Variants in TCL1B observed in about 807,000 individuals in gnomAD.
TCL1B encodes the protein T-cell leukemia/lymphoma protein 1B.
A neutral mutation model predicts 16.9 loss-of-function variants in TCL1B; 14 were observed. The observed-to-expected ratio is 0.83, with a 90% CI of 0.55 to 1.30. TCL1B has a LOEUF of 1.30. Ranked by LOEUF, TCL1B falls within the 50% of genes most tolerant of loss-of-function variation. The pLI is 0.00. For synonymous variants in TCL1B, 79 were observed against 66.6 expected (o/e 1.19, Z -0.91); for missense variants, 166 against 165.2 (o/e 1.00, Z -0.03).
chr14:95,689,721 GAGA>G (rs1885841081), intron 1 of TCL1B, among the ~76,000 whole-genome samples: 2 of 152,216 alleles, frequency 1.3e-5, no homozygotes, highest in African/African-American at 2.4e-5. Flanking sequence ...AGAATACACA[GAGA>G]AGGAGAGATT....
intron 1 of TCL1B, among the ~76,000 whole-genome samples, chr14:95,686,923 C>A (rs1264463074): frequency 6.6e-6 from 1 of 152,114 alleles, no homozygotes; most frequent in Non-Finnish European, 1.5e-5. Context: ...TGGGAAGGCC[C>A]ACAAATGGGG....
At chr14:95,688,047 G>C (rs1469511358) in intron 1 of TCL1B, 1 of 151,972 alleles carries the variant, frequency 6.6e-6, no homozygotes, top group Non-Finnish European at 1.5e-5. Context: ...TGCGGCTGGA[G>C]TGCACTGGTG....
intron 1 of TCL1B, among the ~76,000 whole-genome samples, chr14:95,687,809 G>A (rs562537378): frequency 1.5e-4 from 23 of 152,024 alleles, no homozygotes; most frequent in African/African-American, 4.6e-4. Flanking sequence ...AAAATTAGCC[G>A]GGCGTGGTGG....
In TCL1B at chr14:95,692,451, AG is replaced by A. The variant is rs1392365456; in HGVS notation, c.*537del. On this transcript the variant is annotated 3_prime_UTR_variant, in exon 4 of 4. Transcript: ENST00000340722. ...TGACACTTTGGCCCGAAATAGATCCAGTGCTGAGCAAGCAATGTACACCAGA... is the reference window on the plus strand; with the variant it reads ...TGACACTTTGGCCCGAAATAGATCCATGCTGAGCAAGCAATGTACACCAGA... 2 of 152,390 alleles carry A rather than the reference AG, an allele frequency of 1.3e-5. No homozygotes were observed. The highest frequency in any genetic ancestry group is 1.5e-5 in the Non-Finnish European group (1 of 68,192). The allele number at this position is 152,390 out of a possible 1,614,324, so 9.4% of individuals were successfully genotyped here. A position where few individuals can be genotyped will look rare whatever the true frequency, so the allele number is the denominator to read the frequency against.
chr14:95,686,762 G>A, intron 1 of TCL1B, 133 bp downstream of exon 1: 1 of 1,118,078 alleles, frequency 8.9e-7, no homozygotes, highest in Non-Finnish European at 1.2e-6. Flanking sequence ...AGGTCTAGGA[G>A]CGCAGCAATG....
At chr14:95,689,289 ACAAAACAAAG>A (rs1303034601) in intron 1 of TCL1B, 1 of 151,914 alleles carries the variant, frequency 6.6e-6, no homozygotes, top group East Asian at 1.9e-4. Context: ...TCCGTCTCAA[ACAAAACAAAG>A]CAAAACAAAA....
intron 2 of TCL1B, 40 bp downstream of exon 2, chr14:95,690,946 C>T: frequency 6.3e-7 from 1 of 1,599,576 alleles, no homozygotes; most frequent in Non-Finnish European, 8.5e-7. Flanking sequence ...GACAGGTGGC[C>T]CCTGGTGACT....
Position 95,690,869 on chromosome 14 carries a change from C to T in TCL1B, c.296C>T (p.Ala99Val), listed in dbSNP as rs117333381. The change falls in exon 2 of 4, where the codon GCG becomes GTG. Residue 99 changes from alanine to valine, a missense_variant. Coordinates refer to ENST00000340722, the MANE Select transcript of TCL1B (RefSeq NM_004918.4). Reference protein sequence around the residue: ...QLYPGRKYRAADSSFWEIADH... With the variant: ...QLYPGRKYRAVDSSFWEIADH... ...TACCCCGGGAGGAAGTACCGAGCAG[C>T]GGATTCCAGTTTCTGGGAAATAGCA... 4.5e-3 allele frequency: 7,260 copies of T among 1,614,112 alleles called. 28 individuals carry two copies. The highest frequency in any genetic ancestry group is 5.1e-3 in the Non-Finnish European group (5,995 of 1,179,966).
intron 1 of TCL1B, among the ~76,000 whole-genome samples, chr14:95,688,785 G>A (rs577012687): frequency 6.6e-6 from 1 of 152,332 alleles, no homozygotes; most frequent in Non-Finnish European, 1.5e-5. Context: ...GCCAGTCACG[G>A]AAGGACAGAT....
Position 95,692,388 on chromosome 14 carries a change from G to A in TCL1B, c.*473G>A, listed in dbSNP as rs1178801275. 1 of 152,344 alleles carries A rather than the reference G, an allele frequency of 6.6e-6. No homozygotes were observed. The highest frequency in any genetic ancestry group is 1.5e-5 in the Non-Finnish European group (1 of 68,144). The allele number at this position is 152,344 out of a possible 1,614,324, so 9.4% of individuals were successfully genotyped here. A position where few individuals can be genotyped will look rare whatever the true frequency, so the allele number is the denominator to read the frequency against. ...GATGGCATTAGAGGGAGCCCAGTCT[G>A]GATGTGGACTTGGATGCCCTGTGGG... is the stretch of plus-strand genomic sequence containing the variant. On this transcript the variant is annotated 3_prime_UTR_variant, in exon 4 of 4. Transcript: ENST00000340722.
chr14:95,691,125 C>T (rs1367609906), intron 2 of TCL1B, 143 bp from the exon 3 acceptor site: 31 of 1,130,282 alleles, frequency 2.7e-5, no homozygotes, highest in Non-Finnish European at 3.7e-5. Context: ...GGGTTGCCTT[C>T]CCTGGGCTAG....
intron 1 of TCL1B, among the ~76,000 whole-genome samples, chr14:95,689,874 A>G (rs1205291795): frequency 6.6e-6 from 1 of 152,284 alleles, no homozygotes; most frequent in African/African-American, 2.4e-5. Flanking sequence ...ATTTTATCAC[A>G]AAAGAAGACA....
At chr14:95,686,740 T>G in intron 1 of TCL1B, 111 bp downstream of exon 1, 1 of 1,314,646 alleles carries the variant, frequency 7.6e-7, no homozygotes, top group Non-Finnish European at 1.0e-6. Context: ...ACTGGAAAAC[T>G]CACTTCTGTG....
intron 1 of TCL1B, 63 bp from the exon 2 acceptor site, chr14:95,690,673 T>G (rs1000977308): frequency 2.6e-6 from 4 of 1,550,250 alleles, no homozygotes. Context: ...CCATTGCTTG[T>G]GTGCAGCCCA....
chr14:95,688,653 G>T (rs922012310), intron 1 of TCL1B, among the ~76,000 whole-genome samples: 1 of 152,180 alleles, frequency 6.6e-6, no homozygotes, highest in Non-Finnish European at 1.5e-5. Flanking sequence ...CTAGCCAAAA[G>T]GTGGTGGCAG....
chr14:95,687,607 G>A (rs1566739700), intron 1 of TCL1B, among the ~76,000 whole-genome samples: 1 of 152,124 alleles, frequency 6.6e-6, no homozygotes, highest in Non-Finnish European at 1.5e-5. Context: ...ATGGAAATGG[G>A]GGGCTGGCTG....
chr14:95,691,313 A>C lies in TCL1B; in HGVS notation c.379A>C (p.Lys127Gln). ...GGTCCTAACATATCAGCCGGAGAGG[A>C]AAGACTGACACTGGGAGTGGCTGGT... ...QLVLTYQPER[K>Q]D The change falls in exon 3 of 4, where the codon AAA (lysine) becomes CAA (glutamine). Residue 127 changes from lysine to glutamine, a missense_variant. Lys to Gln is a moderately conservative substitution (Grantham distance 53). Transcript: ENST00000340722. 2 of 1,613,478 alleles carry C rather than the reference A, an allele frequency of 1.2e-6. No homozygotes were observed. The highest frequency in any genetic ancestry group is 1.7e-6 in the Non-Finnish European group (2 of 1,179,966).
chr14:95,691,227 G>A (rs745741398), intron 2 of TCL1B, 41 bp from the exon 3 acceptor site: 2 of 1,602,536 alleles, frequency 1.2e-6, no homozygotes, highest in Non-Finnish European at 1.7e-6. Context: ...AACTGGAAGA[G>A]CATCTCCCAG....
At position 95,690,870 on chromosome 14, in the gene TCL1B, G is replaced by T. The variant is rs148257417; in HGVS notation, c.297G>T (p.Ala99=). ...ACCCCGGGAGGAAGTACCGAGCAGC[G>T]GATTCCAGTTTCTGGGAAATAGCAG... ...QLYPGRKYRA[A]DSSFWEIADH... is the part of the protein sequence containing the mutation. Residue 99 remains alanine, a synonymous_variant, in exon 2 of 4, where the codon GCG becomes GCT. Coordinates refer to ENST00000340722, the MANE Select transcript of TCL1B (RefSeq NM_004918.4). The T allele has an allele frequency of 2.3e-5, 37 of 1,614,048 alleles. No homozygotes were observed. The highest frequency in any genetic ancestry group is 1.7e-4 in the Admixed American group (10 of 60,010).
Sources: gnomAD v4.1 joint callset for allele counts (sites outside exome capture counted in the v4.1 genomes callset) on GRCh38, gnomAD v4.1.1 for gene constraint, MANE v1.5 for transcripts, NCBI Gene and HGNC (gene_info 2026-07-23, HGNC 2026-07-21) for gene names.